The following ZKSCAN5 variants were observed in gnomAD, a reference collection of about 807,000 sequenced individuals.
ZKSCAN5 encodes zinc finger with KRAB and SCAN domains 5.
Under a neutral mutation model 60.0 loss-of-function variants are expected in ZKSCAN5, and 28 were observed. The observed-to-expected ratio is 0.47, with a 90% confidence interval of 0.35 to 0.64. The LOEUF (loss-of-function observed/expected upper bound fraction) is 0.64. Ranked by LOEUF, ZKSCAN5 falls within the 30% of genes least tolerant of loss-of-function variation. The pLI, the probability that ZKSCAN5 is intolerant of heterozygous loss-of-function variation, is 0.01. For synonymous variants in ZKSCAN5, 361 were observed against 371.2 expected (o/e 0.97, Z 0.31); for missense variants, 881 against 1,034.6 (o/e 0.85, Z 2.04).
intron 2 of ZKSCAN5, among the ~76,000 whole-genome samples, chr7:99,512,063 A>T (rs1334588915): frequency 2.0e-5 from 3 of 152,140 alleles, no homozygotes; most frequent in Non-Finnish European, 4.4e-5. Flanking sequence ...AAGTGCTGGG[A>T]TTACAGGCGT....
At chr7:99,507,523 G>GTATATATATGTATATATGTGTATA (rs1351822202) in intron 2 of ZKSCAN5, among the ~76,000 whole-genome samples, 6 of 133,798 alleles carry the variant, frequency 4.5e-5, no homozygotes, top group Admixed American at 4.4e-4. Context: ...GTGTATATAT[G>GTATATATATGTATATATGTGTATA]TATATGTGTA....
At position 99,531,371 on chromosome 7, in the gene ZKSCAN5, C is replaced by T. The variant is rs773443096; in HGVS notation, c.1642C>T (p.Pro548Ser). Reference protein sequence around the residue: ...VHKKSSTGERPHKCNECGKSF... With the variant: ...VHKKSSTGERSHKCNECGKSF... ...CAAAAAATCCTCCACTGGAGAGAGA[C>T]CACATAAATGTAACGAGTGTGGGAA... The change falls in exon 7 of 7, where the codon CCA (proline) becomes TCA (serine). Residue 548 changes from proline to serine, a missense_variant. By Grantham distance (74) the Pro-to-Ser change is moderately conservative (BLOSUM62 -1). Transcript: ENST00000326775. 3 of 1,614,142 alleles carry T rather than the reference C, an allele frequency of 1.9e-6. No homozygotes were observed. The highest frequency in any genetic ancestry group is 2.7e-5 in the African/African-American group (2 of 75,044).
At chr7:99,521,484 A>G (rs966500591) in intron 5 of ZKSCAN5, among the ~76,000 whole-genome samples, 6 of 152,174 alleles carry the variant, frequency 3.9e-5, no homozygotes, top group Non-Finnish European at 7.3e-5. Context: ...GGTGTGAGCC[A>G]CCATGCCCCG....
At position 99,533,790 on chromosome 7, in the gene ZKSCAN5, A is replaced by G. The variant is rs1802153463; in HGVS notation, c.*1541A>G. ...TATCCTGTTTCATTCCCTCCCTCAA[A>G]GGCGTTTCCCAAATAAATCACACTG... On this transcript the variant is annotated 3_prime_UTR_variant, in exon 7 of 7. Coordinates refer to ENST00000326775, the MANE Select transcript of ZKSCAN5 (RefSeq NM_145102.4). 1 of 396,624 alleles carries G rather than the reference A, an allele frequency of 2.5e-6. No individual in the cohort carries two copies. 24.6% of individuals were successfully genotyped at this position (396,624 alleles called of 1,614,324 possible). A position where few individuals can be genotyped will look rare whatever the true frequency, so the allele number is the denominator to read the frequency against.
chr7:99,513,853 C>A (rs1801150633), intron 3 of ZKSCAN5: 3 of 176,266 alleles, frequency 1.7e-5, no homozygotes, highest in South Asian at 1.5e-4. Context: ...CATGATGAAA[C>A]CCCGTCATGA....
In ZKSCAN5 at chr7:99,532,048, T is replaced by C; in HGVS notation, c.2319T>C (p.His773=). Residue 773 remains histidine (H), a synonymous_variant, in exon 7 of 7, where the codon CAT becomes CAC. Transcript: ENST00000326775. ...AAATCTACTCCAGCACAAAATCCCA[T>C]CAATGTCATGAATGTGGCAGAGGCT... ...HQKIYSSTKS[H]QCHECGRGFT... 6.2e-7 allele frequency: 1 copy of C among 1,614,164 alleles called. No homozygotes were observed. Among genetic ancestry groups the C allele is most frequent in the Non-Finnish European group, 8.5e-7 (1 of 1,180,028 alleles).
intron 2 of ZKSCAN5, among the ~76,000 whole-genome samples, chr7:99,506,784 G>A (rs978459799): frequency 3.3e-5 from 5 of 151,976 alleles, no homozygotes; most frequent in Non-Finnish European, 7.3e-5. Context: ...CCGGGTTCAC[G>A]CCATTCTCCT....
At chr7:99,518,202 G>A (rs1198382366) in intron 3 of ZKSCAN5, among the ~76,000 whole-genome samples, 1 of 152,038 alleles carries the variant, frequency 6.6e-6, no homozygotes, top group African/African-American at 2.4e-5. Context: ...GCCATTGCAG[G>A]TGAATCACCG....
intron 3 of ZKSCAN5, among the ~76,000 whole-genome samples, chr7:99,518,731 A>G (rs1200991887): frequency 9.2e-5 from 12 of 129,796 alleles, no homozygotes; most frequent in Admixed American, 3.7e-4. Flanking sequence ...GCTGGAGTGC[A>G]GTGGTGTGAT....
At chr7:99,506,583 C>T (rs1344939221) in intron 2 of ZKSCAN5, 125 bp downstream of exon 2, 2 of 1,155,780 alleles carry the variant, frequency 1.7e-6, no homozygotes, top group Admixed American at 2.9e-5. Flanking sequence ...ATTAGGTACC[C>T]TGTGACTTCC....
chr7:99,525,872 T>G lies in ZKSCAN5; in HGVS notation c.832T>G (p.Ser278Ala), dbSNP rs1801758062. The change falls in exon 6 of 7, where the codon TCA becomes GCA. Residue 278 changes from serine (S) to alanine (A), a missense_variant. Ser to Ala is a moderately conservative substitution (Grantham distance 99). Around this residue, in one of 5 missense-constraint regions of ZKSCAN5, gnomAD observed 490 missense variants for 554.5 expected, o/e 0.88. Coordinates refer to ENST00000326775, the MANE Select transcript of ZKSCAN5 (RefSeq NM_145102.4). ...GAAGCAGATTTCTGATGACTCTGAATCACACTGGGTGGCGCCAGAACACAC... is the reference window on the plus strand; with the variant it reads ...GAAGCAGATTTCTGATGACTCTGAAGCACACTGGGTGGCGCCAGAACACAC... ...IVKQISDDSE[S>A]HWVAPEHTER... is the part of the protein sequence containing the mutation. 24 of 1,614,036 alleles carry G rather than the reference T, an allele frequency of 1.5e-5. No individual in the cohort carries two copies. Among genetic ancestry groups the G allele is most frequent in the Non-Finnish European group, 2.0e-5 (24 of 1,180,030 alleles).
At position 99,525,944 on chromosome 7, in the gene ZKSCAN5, C is replaced by A. The variant is rs1036014382; in HGVS notation, c.904C>A (p.Leu302Ile). ...TCCAGACTTTGCAGAAGTCAGTGAC[C>A]TTAAAGGCATGGTACAAAGGTGGCA... The part of the protein sequence containing the change: ...QDPDFAEVSD[L>I]KGMVQRWQVN... The change falls in exon 6 of 7, where the codon CTT (leucine) becomes ATT (isoleucine). Residue 302 changes from leucine to isoleucine, a missense_variant. Physicochemically the swap from Leu to Ile is conservative, Grantham distance 5 (BLOSUM62 2). Around this residue, in one of 5 missense-constraint regions of ZKSCAN5, gnomAD observed 490 missense variants for 554.5 expected, o/e 0.88. Coordinates refer to ENST00000326775, the MANE Select transcript of ZKSCAN5 (RefSeq NM_145102.4). 1.9e-6 allele frequency: 3 copies of A among 1,613,870 alleles called. No homozygotes were observed. In the African/African-American group the frequency reaches 4.0e-5, roughly 22 times the overall value.
chr7:99,534,523 C>CA lies in ZKSCAN5; in HGVS notation c.*2279dup, dbSNP rs1374525323. On this transcript the variant is annotated 3_prime_UTR_variant, in exon 7 of 7. Coordinates refer to ENST00000326775, the MANE Select transcript of ZKSCAN5 (RefSeq NM_145102.4). ...TGAAACCCGGTCTCTACTTAAAATA[C>CA]AAAAATTAGCTGGGCATAGTGGCGC... is the stretch of plus-strand genomic sequence containing the variant. 1 of 152,068 alleles carries CA rather than the reference C, an allele frequency of 6.6e-6. No homozygotes were observed. The highest frequency in any genetic ancestry group is 1.9e-4 in the East Asian group (1 of 5,186). 9.4% of individuals were successfully genotyped at this position (152,068 alleles called of 1,614,324 possible).
intron 3 of ZKSCAN5, among the ~76,000 whole-genome samples, chr7:99,517,127 G>A (rs1038719392): frequency 1.3e-5 from 2 of 152,142 alleles, no homozygotes; most frequent in Non-Finnish European, 2.9e-5. Context: ...GTGCAATGGC[G>A]TGATCTCAGT....
intron 6 of ZKSCAN5, among the ~76,000 whole-genome samples, chr7:99,528,929 G>A (rs1401030240): frequency 6.6e-6 from 1 of 152,104 alleles, no homozygotes; most frequent in Non-Finnish European, 1.5e-5. Context: ...ATGACATGCC[G>A]GGGGAGGAAA....
At chr7:99,528,724 G>A (rs962425004) in intron 6 of ZKSCAN5, among the ~76,000 whole-genome samples, 3 of 152,072 alleles carry the variant, frequency 2.0e-5, no homozygotes, top group South Asian at 2.1e-4. Context: ...CACCATGCCC[G>A]GTCCTCCCTC....
At chr7:99,522,627 C>T (rs1177785228) in intron 5 of ZKSCAN5, among the ~76,000 whole-genome samples, 1 of 151,618 alleles carries the variant, frequency 6.6e-6, no homozygotes, top group Non-Finnish European at 1.5e-5. Flanking sequence ...TTTGGGATTA[C>T]AGGCACCCTC....
At chr7:99,511,350 T>C (rs543819952) in intron 2 of ZKSCAN5, among the ~76,000 whole-genome samples, 53 of 152,286 alleles carry the variant, frequency 3.5e-4, no homozygotes, top group African/African-American at 1.3e-3. Context: ...CCAATCTCCC[T>C]TCTCACCTCT....
chr7:99,526,046 C>G lies in ZKSCAN5; in HGVS notation c.1006C>G (p.Pro336Ala). 6.2e-7 allele frequency: 1 copy of G among 1,614,164 alleles called. No homozygotes were observed. Among genetic ancestry groups the G allele is most frequent in the Non-Finnish European group, 8.5e-7 (1 of 1,180,028 alleles). Residue 336 changes from proline to alanine, a missense_variant, in exon 6 of 7, where the codon CCT (proline) becomes GCT (alanine). Physicochemically the swap from Pro to Ala is conservative, Grantham distance 27. This residue lies in a region of ZKSCAN5 where 490 missense variants were observed against 554.5 expected (regional missense o/e 0.88). Transcript: ENST00000326775. ...TCTGGATGCAATCACAGACATCAGCCCTAAGCAAAGCACACATGGCGAGAG... is the reference window on the plus strand; with the variant it reads ...TCTGGATGCAATCACAGACATCAGCGCTAAGCAAAGCACACATGGCGAGAG... ...RDLDAITDISPKQSTHGERGH... is the reference protein window; with the variant it reads ...RDLDAITDISAKQSTHGERGH...
Sources: gnomAD v4.1 joint callset for allele counts (sites outside exome capture counted in the v4.1 genomes callset) on GRCh38, gnomAD v4.1.1 for gene constraint, gnomAD v4.1.1 regional missense constraint, MANE v1.5 for transcripts, NCBI Gene and HGNC (gene_info 2026-07-23, HGNC 2026-07-21) for gene names.